The following GATA6 variants were observed in gnomAD, a reference collection of about 807,000 sequenced individuals.
GATA6 encodes the protein transcription factor GATA-6.
A neutral mutation model predicts 48.1 loss-of-function variants in GATA6; 11 were observed. The observed-to-expected ratio is 0.23, with a 90% CI of 0.14 to 0.38. The LOEUF is 0.38. Among genes scored for constraint, GATA6 ranks in the 10% least tolerant of loss-of-function variants. GATA6 has a pLI of 1.00. For synonymous variants in GATA6, 419 were observed against 396.1 expected (o/e 1.06, Z -0.69); for missense variants, 795 against 850.3 (o/e 0.93, Z 0.81).
chr18:22,170,898 C>T lies in GATA6; in HGVS notation c.-37-210C>T, dbSNP rs2033024904. 1 of 577,544 alleles carries T rather than the reference C, an allele frequency of 1.7e-6. No homozygotes were observed. The highest frequency in any genetic ancestry group is 3.0e-5 in the Admixed American group (1 of 33,340). The allele number at this position is 577,544 out of a possible 1,614,324, so 35.8% of individuals were successfully genotyped here. ...CTGGTATCCCAGCCCTTCCAGGGCC[C>T]TGTGGCGGCTGCGCAGGCTCCCTTC... On this transcript the variant is annotated intron_variant, in intron 1 of 6. Coordinates refer to ENST00000269216, the MANE Select transcript of GATA6 (RefSeq NM_005257.6). This position sits in a 1 kb window ranked among gnomAD's most constrained non-coding sequence, Gnocchi z 6.7.
intron 6 of GATA6, among the ~76,000 whole-genome samples, chr18:22,199,507 T>C (rs886532682): frequency 6.6e-6 from 1 of 152,240 alleles, no homozygotes; most frequent in African/African-American, 2.4e-5. Context: ...ATTTTAGTTA[T>C]TTTGGTTTGA....
chr18:22,196,213 G>C (rs2033387233), intron 6 of GATA6, among the ~76,000 whole-genome samples: 1 of 152,006 alleles, frequency 6.6e-6, no homozygotes, highest in Admixed American at 6.5e-5. Context: ...TTTCTGACAG[G>C]CTCAGCTATT....
At position 22,201,042 on chromosome 18, in the gene GATA6, A is replaced by C. The variant is rs1050369331; in HGVS notation, c.*219A>C. ...ACTGGGCGCTTGGGCCACTCCAGCC[A>C]GCCCGCCTCCGGGGCGGACCCTGCT... On this transcript the variant is annotated 3_prime_UTR_variant, in exon 7 of 7. Coordinates refer to ENST00000269216, the MANE Select transcript of GATA6 (RefSeq NM_005257.6). 3 of 627,218 alleles carry C rather than the reference A, an allele frequency of 4.8e-6. No homozygotes were observed. The highest frequency in any genetic ancestry group is 2.8e-5 in the East Asian group (1 of 35,738). 38.9% of individuals were successfully genotyped at this position (627,218 alleles called of 1,614,324 possible).
At chr18:22,180,950 T>G (rs9957475) in intron 3 of GATA6, among the ~76,000 whole-genome samples, 1 of 151,040 alleles carries the variant, frequency 6.6e-6, no homozygotes. Context: ...CGGTGGGGGG[T>G]GGGCGGCAGG....
chr18:22,177,067 C>A lies in GATA6; in HGVS notation c.1248C>A (p.Leu416=). The A allele has an allele frequency of 6.4e-7, 1 of 1,572,600 alleles. No homozygotes were observed. The highest frequency in any genetic ancestry group is 8.6e-7 in the Non-Finnish European group (1 of 1,160,752). Residue 416 remains leucine (L), a synonymous_variant, in exon 3 of 7, where the codon CTC becomes CTA. Coordinates refer to ENST00000269216, the MANE Select transcript of GATA6 (RefSeq NM_005257.6). ...TGHYLCNACG[L]YSKMNGLSRP... ...ACTACCTGTGCAACGCCTGCGGGCT[C>A]TACAGCAAGATGAACGGCCTCAGCC...
rs541871576 is a variant in GATA6 at position 22,172,856 on chromosome 18, G to A, written c.1135+577G>A. 1.3e-5 allele frequency among the ~76,000 whole-genome samples: 2 copies of A among 152,328 alleles called. No individual in the cohort carries two copies. Among genetic ancestry groups the A allele is most frequent in the East Asian group, 1.9e-4 (1 of 5,176 alleles). ...GATGTTCCTAGGGAAGCTAGTTGGC[G>A]TCTCCTCTCCCACAAGGGAGAGAGG... On this transcript the variant is annotated intron_variant, in intron 2 of 6. Coordinates refer to ENST00000269216, the MANE Select transcript of GATA6 (RefSeq NM_005257.6). The surrounding 1 kb of genome is among the most constrained non-coding windows in gnomAD (Gnocchi z 5.2).
In GATA6 at chr18:22,188,848, G is replaced by A. The variant is rs190699611; in HGVS notation, c.1620+5805G>A. ...TGTACTGTAATTTCTCTGCCTCCAG[G>A]GATCCTGGGGGCAGGATGGTTGGAG... On this transcript the variant is annotated intron_variant, in intron 6 of 6. Transcript: ENST00000269216. Among the ~76,000 whole-genome samples the A allele has an allele frequency of 3.9e-5, 6 of 152,228 alleles. No individual in the cohort carries two copies. The East Asian group carries it at 1.2e-3, about 29-fold the overall frequency.
rs371236423 is a variant in GATA6 at position 22,199,400 on chromosome 18, T to G, written c.1621-1256T>G. The stretch of plus-strand genomic sequence containing the variant: ...GAAGGAATAAGAGCTCCTGAACTTT[T>G]AGAAGGAAAAAGGTGATTTTAAAAA... On this transcript the variant is annotated intron_variant, in intron 6 of 6. Transcript: ENST00000269216. 3.5e-4 allele frequency among the ~76,000 whole-genome samples: 53 copies of G among 152,312 alleles called. No homozygotes were observed. The East Asian group carries it at 9.4e-3, about 27-fold the overall frequency.
intron 6 of GATA6, among the ~76,000 whole-genome samples, chr18:22,200,129 C>G (rs1245819895): frequency 2.0e-5 from 3 of 151,964 alleles, no homozygotes; most frequent in Non-Finnish European, 4.4e-5. Context: ...TGCAGCTTTT[C>G]TAAAAAGTCT....
chr18:22,189,933 C>T (rs1201522462), intron 6 of GATA6, among the ~76,000 whole-genome samples: 2 of 152,176 alleles, frequency 1.3e-5, no homozygotes, highest in South Asian at 2.1e-4. Context: ...TCCAAGGTCA[C>T]GTGTCAAATT....
At chr18:22,190,892 C>A (rs554174306) in intron 6 of GATA6, among the ~76,000 whole-genome samples, 1 of 152,188 alleles carries the variant, frequency 6.6e-6, no homozygotes, top group Admixed American at 6.5e-5. Context: ...TAATAACTCA[C>A]GTTCTTGTCT....
chr18:22,200,625 G>T (rs772285401), intron 6 of GATA6, 31 bp from the exon 7 acceptor site: 1 of 1,614,068 alleles, frequency 6.2e-7, no homozygotes. Flanking sequence ...TCACCTTCTC[G>T]TCTCTCCTCT....
In GATA6 at chr18:22,172,326, G is replaced by C. The variant is rs1201605443; in HGVS notation, c.1135+47G>C. On this transcript the variant is annotated intron_variant, in intron 2 of 6. Transcript: ENST00000269216. The surrounding 1 kb of genome is among the most constrained non-coding windows in gnomAD (Gnocchi z 5.2). ...CGGGGTGCGGGTCCAAAGCGCTGGG[G>C]CGCACGGGGGACGTGGAGCAGCTGC... is the stretch of plus-strand genomic sequence containing the variant. 6.6e-7 allele frequency: 1 copy of C among 1,514,936 alleles called. No homozygotes were observed. The highest frequency in any genetic ancestry group is 8.8e-7 in the Non-Finnish European group (1 of 1,133,386). 93.8% of individuals were successfully genotyped at this position (1,514,936 alleles called of 1,614,324 possible). A position where few individuals can be genotyped will look rare whatever the true frequency, so the allele number is the denominator to read the frequency against.
rs904551659 is a variant in GATA6, at chr18:22,171,850, G to A, written c.706G>A (p.Gly236Ser). ...GGCCTCGGCCGACAGCCCTCCATAC[G>A]GCAGCGGAGGCGGCGCGGCTGGCGG... is the stretch of plus-strand genomic sequence containing the variant. ...PQASADSPPY[G>S]SGGGAAGGGA... The change falls in exon 2 of 7, where the codon GGC becomes AGC. Residue 236 changes from glycine to serine, a missense_variant. By Grantham distance (56) the Gly-to-Ser change is moderately conservative (BLOSUM62 0). This residue lies in a region of GATA6 where 591 missense variants were observed against 570.0 expected (regional missense o/e 1.04). Coordinates refer to ENST00000269216, the MANE Select transcript of GATA6 (RefSeq NM_005257.6). This position sits in a 1 kb window ranked among gnomAD's most constrained non-coding sequence, Gnocchi z 7.1. 5 of 1,192,098 alleles carry A rather than the reference G, an allele frequency of 4.2e-6. No individual in the cohort carries two copies. In the Admixed American group the frequency reaches 2.3e-4, roughly 54 times the overall value. 73.8% of individuals were successfully genotyped at this position (1,192,098 alleles called of 1,614,324 possible).
chr18:22,181,687 T>A, intron 4 of GATA6, 109 bp downstream of exon 4: 1 of 1,138,744 alleles, frequency 8.8e-7, no homozygotes. Flanking sequence ...AAAATTTGAA[T>A]GCATATAATT....
At chr18:22,179,455 A>G (rs1215478088) in intron 3 of GATA6, among the ~76,000 whole-genome samples, 1 of 152,218 alleles carries the variant, frequency 6.6e-6, no homozygotes, top group African/African-American at 2.4e-5. Flanking sequence ...TCACATGTTT[A>G]TGAGGACTGG....
chr18:22,177,567 T>C (rs1248293035), intron 3 of GATA6, among the ~76,000 whole-genome samples: 3 of 152,170 alleles, frequency 2.0e-5, no homozygotes, highest in Non-Finnish European at 4.4e-5. Context: ...AGAAAAACAG[T>C]AGACCTACCG....
At chr18:22,198,687 A>G (rs1307153486) in intron 6 of GATA6, among the ~76,000 whole-genome samples, 2 of 152,136 alleles carry the variant, frequency 1.3e-5, no homozygotes, top group Non-Finnish European at 2.9e-5. Context: ...TTTGAGGGTT[A>G]AATCTGGATC....
At chr18:22,194,651 GTA>G (rs1200003811) in intron 6 of GATA6, among the ~76,000 whole-genome samples, 1 of 152,084 alleles carries the variant, frequency 6.6e-6, no homozygotes, top group Non-Finnish European at 1.5e-5. Context: ...ACGTGTGTTT[GTA>G]TGTGTGTGTA....
Sources: gnomAD v4.1 joint callset for allele counts (sites outside exome capture counted in the v4.1 genomes callset) on GRCh38, gnomAD v4.1.1 for gene constraint, gnomAD v4.1.1 regional missense constraint, Gnocchi (gnomAD v3.1) non-coding constraint, MANE v1.5 for transcripts, NCBI Gene and HGNC (gene_info 2026-07-23, HGNC 2026-07-21) for gene names.